VEGFA: variants seen among roughly 807,000 people sequenced by gnomAD.
VEGFA encodes vascular endothelial growth factor A.
VEGFA carries 20 observed loss-of-function variants against 49.7 expected under a neutral mutation model. The observed-to-expected ratio is 0.40, with a 90% confidence interval of 0.28 to 0.58. The LOEUF is 0.58. VEGFA is among the 20% of genes least tolerant of loss of function. The pLI is 0.40. For missense variants in VEGFA, 505 were observed against 553.5 expected, an observed-to-expected ratio of 0.91 and a Z score of 0.88; for synonymous variants, 219 against 223.4, an observed-to-expected ratio of 0.98 and a Z score of 0.18.
intron 6 of VEGFA, 173 bp downstream of exon 6, chr6:43,780,976 G>A (rs1767478932): frequency 6.6e-7 from 1 of 1,518,846 alleles, no homozygotes; most frequent in South Asian, 1.1e-5. Flanking sequence ...GCACCAACGG[G>A]TAGATTTGGT....
Position 43,777,328 on chromosome 6 carries a change from A to C in VEGFA, c.659-141A>C. On this transcript the variant is annotated intron_variant, in intron 2 of 7. Coordinates refer to ENST00000672860, the MANE Select transcript of VEGFA (RefSeq NM_003376.6). This position sits in a 1 kb window ranked among gnomAD's most constrained non-coding sequence, Gnocchi z 4.3. ...CTTAGGGAAGTGCTTCAAACACAGT[A>C]GGAGGGACTTACGTTAGATTTTGGA... 1.2e-6 allele frequency: 1 copy of C among 862,728 alleles called. No homozygotes were observed. The highest frequency in any genetic ancestry group is 1.9e-6 in the Non-Finnish European group (1 of 532,144). The allele number at this position is 862,728 out of a possible 1,614,324, so 53.4% of individuals were successfully genotyped here. A position where few individuals can be genotyped will look rare whatever the true frequency, so the allele number is the denominator to read the frequency against.
At chr6:43,783,869 A>G (rs1768779544) in intron 7 of VEGFA, 1 of 153,268 alleles carries the variant, frequency 6.5e-6, no homozygotes, top group African/African-American at 2.4e-5. Flanking sequence ...GAAAGGAAAG[A>G]CAACCTGTTA....
chr6:43,777,411 G>A lies in VEGFA; in HGVS notation c.659-58G>A, dbSNP rs1243321713. On this transcript the variant is annotated intron_variant, in intron 2 of 7. Transcript: ENST00000672860. The surrounding 1 kb of genome is among the most constrained non-coding windows in gnomAD (Gnocchi z 4.3). ...GGCATTACAGAGCTGGGTGGAGAGA[G>A]GGGCTAGCCATCTTTTGTGTCGCCC... 2 of 1,597,780 alleles carry A rather than the reference G, an allele frequency of 1.3e-6. No homozygotes were observed. The highest frequency in any genetic ancestry group is 1.1e-5 in the South Asian group (1 of 90,358).
rs991514640 is a variant in VEGFA at position 43,773,067 on chromosome 6, GC to G, written c.607-1273del. ...GGGTGTCATGGGAATGGGTGAGGGG[GC>G]TGAGGTGCAGAATCCAGGGGGTCCC... On this transcript the variant is annotated intron_variant, in intron 1 of 7. Transcript: ENST00000672860. This position sits in a 1 kb window ranked among gnomAD's most constrained non-coding sequence, Gnocchi z 5.6. The G allele has an allele frequency of 3.3e-5, 5 of 152,976 alleles. No individual in the cohort carries two copies. Among genetic ancestry groups the G allele is most frequent in the African/African-American group, 1.2e-4 (5 of 41,438 alleles). The allele number at this position is 152,976 out of a possible 1,614,324, so 9.5% of individuals were successfully genotyped here.
At chr6:43,781,759 T>G (rs997136627) in intron 6 of VEGFA, 197 bp from the exon 7 acceptor site, 4 of 628,908 alleles carry the variant, frequency 6.4e-6, no homozygotes, top group Admixed American at 2.5e-5. Flanking sequence ...CTGCGGCAGG[T>G]GTCCTAGCCA....
At chr6:43,780,208 G>C (rs920559631) in intron 5 of VEGFA, 3 of 219,502 alleles carry the variant, frequency 1.4e-5, no homozygotes, top group Non-Finnish European at 2.7e-5. Flanking sequence ...CAGAGGTTCT[G>C]TCGCAGTTGC....
intron 2 of VEGFA, 96 bp downstream of exon 2, chr6:43,774,488 G>A (rs1223328855): frequency 7.1e-7 from 1 of 1,405,922 alleles, no homozygotes; most frequent in East Asian, 2.3e-5. Flanking sequence ...GGGAGGAAGG[G>A]GAAGGGGCAC....
At chr6:43,778,970 G>T in intron 5 of VEGFA, 52 bp downstream of exon 5, 1 of 1,612,528 alleles carries the variant, frequency 6.2e-7, no homozygotes, top group Non-Finnish European at 8.5e-7. Flanking sequence ...GGTTGTCTTG[G>T]TTTGGGGCTC....
chr6:43,782,220 G>A, intron 7 of VEGFA, 133 bp downstream of exon 7: 1 of 1,342,886 alleles, frequency 7.4e-7, no homozygotes, highest in Non-Finnish European at 1.0e-6. Context: ...TCAGTTTCTA[G>A]CTGCCTGCCT....
chr6:43,782,442 A>G, intron 7 of VEGFA: 3 of 355,240 alleles, frequency 8.4e-6, no homozygotes, highest in East Asian at 7.1e-5. Flanking sequence ...TACCTCTGGT[A>G]GTAATGCTGA....
In VEGFA at chr6:43,785,291, CACAGGT is replaced by C. The variant is rs1769264411; in HGVS notation, c.*735_*740del. The C allele has an allele frequency of 4.8e-6, 1 of 207,692 alleles. No individual in the cohort carries two copies. Among genetic ancestry groups the C allele is most frequent in the Non-Finnish European group, 9.9e-6 (1 of 101,506 alleles). The allele number at this position is 207,692 out of a possible 1,614,324, so 12.9% of individuals were successfully genotyped here. The stretch of plus-strand genomic sequence containing the variant: ...AGGTCAGACGGACAGAAAGACAGAT[CACAGGT>C]ACAGGGATGAGGACACCGGCTCTGA... On this transcript the variant is annotated 3_prime_UTR_variant, in exon 8 of 8. Transcript: ENST00000672860.
intron 4 of VEGFA, 153 bp downstream of exon 4, chr6:43,778,689 T>C: frequency 9.8e-7 from 1 of 1,020,518 alleles, no homozygotes; most frequent in Non-Finnish European, 1.5e-6. Context: ...TTTCTACATC[T>C]GTAAAATGGG....
rs770646959 is a variant in VEGFA, at chr6:43,771,141, G to T, written c.435G>T (p.Arg145=). ...AGGCCCTGGCCCGGGCCTCGGGCCG[G>T]GGAGGAAGAGTAGCTCGCCGAGGCG... The change falls in exon 1 of 8, where the codon CGG becomes CGT. Residue 145 remains arginine, a synonymous_variant. Transcript: ENST00000672860. The T allele has an allele frequency of 6.6e-7, 1 of 1,524,346 alleles. No homozygotes were observed. The highest frequency in any genetic ancestry group is 8.8e-7 in the Non-Finnish European group (1 of 1,139,486). The allele number at this position is 1,524,346 out of a possible 1,614,324, so 94.4% of individuals were successfully genotyped here.
intron 5 of VEGFA, 85 bp from the exon 6 acceptor site, chr6:43,780,647 T>G: frequency 6.4e-7 from 1 of 1,563,426 alleles, no homozygotes; most frequent in Non-Finnish European, 8.8e-7. Context: ...CTTTGGTCGT[T>G]CCCCCATCCC....
Position 43,770,290 on chromosome 6 carries a change from G to C in VEGFA, c.-417G>C, listed in dbSNP as rs1763201066. 2 of 262,898 alleles carry C rather than the reference G, an allele frequency of 7.6e-6. No homozygotes were observed. The highest frequency in any genetic ancestry group is 1.6e-4 in the South Asian group (1 of 6,214). 16.3% of individuals were successfully genotyped at this position (262,898 alleles called of 1,614,324 possible). On this transcript the variant is annotated 5_prime_UTR_variant, in exon 1 of 8. Transcript: ENST00000672860. ...CCAGCGCTCTGTCGGGAGGCGCAGCGGTTAGGTGGACCGGTCAGCGGACTC... is the reference window on the plus strand; with the variant it reads ...CCAGCGCTCTGTCGGGAGGCGCAGCCGTTAGGTGGACCGGTCAGCGGACTC...
In VEGFA at chr6:43,785,019, T is replaced by C. The variant is rs1769224925; in HGVS notation, c.*457T>C. 1.1e-5 allele frequency: 2 copies of C among 186,232 alleles called. No individual in the cohort carries two copies. Among genetic ancestry groups the C allele is most frequent in the Non-Finnish European group, 2.3e-5 (2 of 88,334 alleles). The allele number at this position is 186,232 out of a possible 1,614,324, so 11.5% of individuals were successfully genotyped here. ...TTTTAAATTAACAGTGCTAATGTTA[T>C]TGGTGTCTTCACTGGATGTATTTGA... On this transcript the variant is annotated 3_prime_UTR_variant, in exon 8 of 8. Transcript: ENST00000672860.
intron 5 of VEGFA, 172 bp downstream of exon 5, chr6:43,779,090 G>T: frequency 1.3e-6 from 1 of 791,228 alleles, no homozygotes; most frequent in Non-Finnish European, 2.2e-6. Context: ...CAGGATGATG[G>T]CTCTAGGGCT....
chr6:43,777,551 T>C lies in VEGFA; in HGVS notation c.741T>C (p.Asp247=). 6.2e-7 allele frequency: 1 copy of C among 1,609,258 alleles called. No individual in the cohort carries two copies. The change falls in exon 3 of 8, where the codon GAT becomes GAC. Residue 247 remains aspartate, a synonymous_variant. Transcript: ENST00000672860. The surrounding 1 kb of genome is among the most constrained non-coding windows in gnomAD (Gnocchi z 4.3). ...TGGACATCTTCCAGGAGTACCCTGA[T>C]GAGATCGAGTACATCTTCAAGCCAT...
At chr6:43,774,602 T>C in intron 2 of VEGFA, 1 of 622,372 alleles carries the variant, frequency 1.6e-6, no homozygotes, top group South Asian at 1.9e-5. Flanking sequence ...GTAGGACTTG[T>C]TGCCTTTTTC....
Sources: gnomAD v4.1 joint callset for allele counts on GRCh38, gnomAD v4.1.1 for gene constraint, Gnocchi (gnomAD v3.1) non-coding constraint, MANE v1.5 for transcripts, NCBI Gene and HGNC (gene_info 2026-07-23, HGNC 2026-07-21) for gene names.